MASP1: variants seen among roughly 807,000 people sequenced by gnomAD.
The protein encoded by MASP1 is MBL associated serine protease 1.
A neutral mutation model predicts 77.1 loss-of-function variants in MASP1; 59 were observed. The ratio of observed to expected loss-of-function variants is 0.77; its 90% CI spans 0.62 to 0.95. The LOEUF is 0.95. Ranked by LOEUF, MASP1 falls within the 40% of genes least tolerant of loss-of-function variation. MASP1 has a pLI of 0.00. For synonymous variants in MASP1, 362 were observed against 354.5 expected (o/e 1.02, Z -0.24); for missense variants, 885 against 912.9 (o/e 0.97, Z 0.39).
At chr3:187,221,197 C>A in intron 14 of MASP1, 1 of 1,227,330 alleles carries the variant, frequency 8.1e-7, no homozygotes, top group Non-Finnish European at 1.2e-6. Flanking sequence ...ATTCTGACAC[C>A]CCTGAAGACG....
chr3:187,225,297 T>C, intron 13 of MASP1: 1 of 1,611,734 alleles, frequency 6.2e-7, no homozygotes, highest in South Asian at 1.1e-5. Flanking sequence ...CCAGCTGCCC[T>C]GCAGAGGTGG....
At chr3:187,229,262 C>A (rs1478844812), downstream of MASP1, among the ~76,000 whole-genome samples, 1 of 152,106 alleles carries the variant, frequency 6.6e-6, no homozygotes, top group Non-Finnish European at 1.5e-5. Flanking sequence ...ATCCATCATA[C>A]CCTGTTCTTA....
At chr3:187,227,092 G>A (rs1029372169) in intron 11 of MASP1, among the ~76,000 whole-genome samples, 1 of 152,258 alleles carries the variant, frequency 6.6e-6, no homozygotes, top group Non-Finnish European at 1.5e-5. Context: ...TGAAAAAAGA[G>A]TAAATCAGTG....
chr3:187,225,832 T>C (rs1394206159), intron 12 of MASP1, among the ~76,000 whole-genome samples: 1 of 152,226 alleles, frequency 6.6e-6, no homozygotes, highest in African/African-American at 2.4e-5. Flanking sequence ...CCTCTCAGAC[T>C]CTTGGGTTAG....
chr3:187,219,632 G>A (rs910613681), exon 16 of MASP1: 1 of 237,242 alleles, frequency 4.2e-6, no homozygotes, highest in Non-Finnish European at 8.5e-6. Flanking sequence ...GGGTTTGTAA[G>A]AGAGCTTCGT....
At chr3:187,225,801 A>G (rs1016203636) in intron 12 of MASP1, among the ~76,000 whole-genome samples, 1 of 152,200 alleles carries the variant, frequency 6.6e-6, no homozygotes, top group Non-Finnish European at 1.5e-5. Context: ...GCCTGTGTCA[A>G]ACATGACCTC....
chr3:187,229,902 A>C (rs376965926), downstream of MASP1: 2 of 1,613,992 alleles, frequency 1.2e-6, no homozygotes, highest in African/African-American at 1.3e-5. Flanking sequence ...CACACACTGC[A>C]TCCAAGGGAG....
Position 187,236,051 on chromosome 3 carries a change from C to G in MASP1, c.1820G>C (p.Ser607Thr). The G allele has an allele frequency of 1.9e-6, 3 of 1,614,150 alleles. No individual in the cohort carries two copies. The highest frequency in any genetic ancestry group is 1.7e-6 in the Non-Finnish European group (2 of 1,180,052). ...ATCTGACAAGGTCCGTGTGCCACTG[C>G]TGATGATCTCATCCACTGTCACATT... is the stretch of plus-strand genomic sequence containing the variant. ...NPNVTVDEII[S>T]SGTRTLSDVL... Residue 607 changes from serine to threonine, a missense_variant, in exon 11 of 11, where the codon AGC becomes ACC. Physicochemically the swap from Ser to Thr is moderately conservative, Grantham distance 58. Coordinates refer to ENST00000296280, the MANE Select transcript of MASP1 (RefSeq NM_139125.4).
intron 8 of MASP1, chr3:187,246,610 C>T: frequency 2.0e-6 from 2 of 985,754 alleles, no homozygotes; most frequent in Non-Finnish European, 2.4e-6. Flanking sequence ...CTTTCTCTAT[C>T]ACTGTTTAGG....
rs1714615352 is a variant in MASP1 at position 187,251,689 on chromosome 3, T to C, written c.956A>G (p.Tyr319Cys). 1 of 1,614,156 alleles carries C rather than the reference T, an allele frequency of 6.2e-7. No homozygotes were observed. The highest frequency in any genetic ancestry group is 1.3e-5 in the African/African-American group (1 of 75,028). The change falls in exon 7 of 11, where the codon TAT becomes TGT. Residue 319 changes from tyrosine (Y) to cysteine (C), a missense_variant. Coordinates refer to ENST00000296280, the MANE Select transcript of MASP1 (RefSeq NM_139125.4). ...GACGAGCACTTGGTCTTTGAAGAAA[T>C]ACTTGGCTTGGGAGGGCTCGATTTT... ...HGKIEPSQAK[Y>C]FFKDQVLVSC...
chr3:187,221,207 G>C, intron 14 of MASP1: 1 of 1,082,984 alleles, frequency 9.2e-7, no homozygotes. Flanking sequence ...CCCTGAAGAC[G>C]GCTCCTCTCC....
In MASP1 at chr3:187,235,361, G is replaced by T; in HGVS notation, c.*323C>A. 1 of 1,411,972 alleles carries T rather than the reference G, an allele frequency of 7.1e-7. No homozygotes were observed. The highest frequency in any genetic ancestry group is 9.4e-7 in the Non-Finnish European group (1 of 1,069,158). The allele number at this position is 1,411,972 out of a possible 1,614,324, so 87.5% of individuals were successfully genotyped here. ...TGGTCAGGAGTGAATAAAGGCCACT[G>T]GGGTAAGAAGCATGGCCTGGAAAGG... On this transcript the variant is annotated 3_prime_UTR_variant, in exon 11 of 11. Coordinates refer to ENST00000296280, the MANE Select transcript of MASP1 (RefSeq NM_139125.4).
chr3:187,247,091 A>T (rs1022256075), intron 8 of MASP1: 9 of 1,397,968 alleles, frequency 6.4e-6, no homozygotes, highest in Middle Eastern at 2.7e-4. Flanking sequence ...TAAATCCCAC[A>T]TTTTTTTTTC....
At chr3:187,247,088 C>T in intron 8 of MASP1, 1 of 1,407,962 alleles carries the variant, frequency 7.1e-7, no homozygotes. Flanking sequence ...AAATAAATCC[C>T]ACATTTTTTT....
intron 2 of MASP1, among the ~76,000 whole-genome samples, chr3:187,280,449 C>T (rs554590046): frequency 6.6e-6 from 1 of 152,182 alleles, no homozygotes; most frequent in East Asian, 1.9e-4. Flanking sequence ...GAAATTGGAA[C>T]GTGTAATCTG....
At chr3:187,251,182 A>G in intron 7 of MASP1, among the ~76,000 whole-genome samples, 1 of 151,442 alleles carries the variant, frequency 6.6e-6, no homozygotes, top group East Asian at 1.9e-4. Flanking sequence ...CTGGTCTCAA[A>G]CTCCTGAGAT....
intron 2 of MASP1, among the ~76,000 whole-genome samples, chr3:187,275,024 T>C (rs1207787564): frequency 1.2e-4 from 19 of 152,140 alleles, no homozygotes; most frequent in East Asian, 3.9e-4. Context: ...CCAGGGAGGA[T>C]TGGCACTGTT....
At chr3:187,274,205 A>T (rs1716764050) in intron 2 of MASP1, among the ~76,000 whole-genome samples, 1 of 138,878 alleles carries the variant, frequency 7.2e-6, no homozygotes, top group African/African-American at 2.8e-5. Context: ...GAGACTCCAT[A>T]AAAAAAAAAA....
Position 187,251,711 on chromosome 3 carries a change from T to G in MASP1, c.934A>C (p.Ile312Leu), listed in dbSNP as rs886662254. 2.5e-6 allele frequency: 4 copies of G among 1,613,966 alleles called. No individual in the cohort carries two copies. The highest frequency in any genetic ancestry group is 3.4e-6 in the Non-Finnish European group (4 of 1,180,002). ...AAATACTTGGCTTGGGAGGGCTCGATTTTCCCATGGACAGGAGGCTGTAGC... is the reference window on the plus strand; with the variant it reads ...AAATACTTGGCTTGGGAGGGCTCGAGTTTCCCATGGACAGGAGGCTGTAGC... The part of the protein sequence containing the change: ...PELQPPVHGK[I>L]EPSQAKYFFK... The change falls in exon 7 of 11, where the codon ATC becomes CTC. Residue 312 changes from isoleucine to leucine, a missense_variant. Physicochemically the swap from Ile to Leu is conservative, Grantham distance 5. Transcript: ENST00000296280.
Sources: allele counts gnomAD v4.1 joint callset (sites outside exome capture counted in the v4.1 genomes callset), GRCh38; gene constraint gnomAD v4.1.1; transcripts MANE v1.5; gene names NCBI Gene and HGNC (gene_info 2026-07-23, HGNC 2026-07-21).